KCNJ4: variants seen among roughly 807,000 people sequenced by gnomAD.
KCNJ4 encodes the protein inward rectifier potassium channel 4.
KCNJ4 carries 3 observed loss-of-function variants against 25.6 expected under a neutral mutation model. The observed-to-expected ratio is 0.12, with a 90% CI of 0.05 to 0.30. KCNJ4 has a LOEUF of 0.30. Ranked by LOEUF, KCNJ4 falls within the 10% of genes least tolerant of loss-of-function variation. The pLI is 1.00. For missense variants in KCNJ4, 286 were observed against 666.8 expected, an observed-to-expected ratio of 0.43 and a Z score of 6.29; for synonymous variants, 257 against 283.9, an observed-to-expected ratio of 0.91 and a Z score of 0.95.
In KCNJ4 at chr22:38,449,980, G is replaced by A. The variant is rs1230643004; in HGVS notation, c.-40+5000C>T. 6.6e-6 allele frequency among the ~76,000 whole-genome samples: 1 copy of A among 152,234 alleles called. No individual in the cohort carries two copies. Among genetic ancestry groups the A allele is most frequent in the Non-Finnish European group, 1.5e-5 (1 of 68,042 alleles). On this transcript the variant is annotated intron_variant, in intron 1 of 1. Transcript: ENST00000303592. The surrounding 1 kb of genome is among the most constrained non-coding windows in gnomAD (Gnocchi z 5.2). ...CGTGTGCGCGCCTGCAGGAGCGCGCGTGTGTGACTCAAGGTCTATTCATAG... is the reference window on the plus strand; with the variant it reads ...CGTGTGCGCGCCTGCAGGAGCGCGCATGTGTGACTCAAGGTCTATTCATAG...
intron 1 of KCNJ4, among the ~76,000 whole-genome samples, chr22:38,431,950 TG>T (rs1367816287): frequency 3.5e-5 from 5 of 142,970 alleles, no homozygotes; most frequent in East Asian, 4.0e-4. Context: ...TGACTAGAGA[TG>T]TTTTTTTTTT....
chr22:38,436,009 G>C (rs1207672184), intron 1 of KCNJ4, among the ~76,000 whole-genome samples: 1 of 152,180 alleles, frequency 6.6e-6, no homozygotes, highest in Non-Finnish European at 1.5e-5. Flanking sequence ...TGGGAGGCCT[G>C]ACTCCCTCCT....
At chr22:38,431,951 G>GTT (rs111418413) in intron 1 of KCNJ4, among the ~76,000 whole-genome samples, 5,934 of 145,426 alleles carry the variant, frequency 0.041, 221 homozygotes, top group East Asian at 0.13. Context: ...GACTAGAGAT[G>GTT]TTTTTTTTTT....
At chr22:38,432,280 T>TAAATAAATGAATAAATA (rs1555917613) in intron 1 of KCNJ4, among the ~76,000 whole-genome samples, 1 of 147,176 alleles carries the variant, frequency 6.8e-6, no homozygotes, top group Non-Finnish European at 1.5e-5. Context: ...AATAAATAAA[T>TAAATAAATGAATAAATA]AAATAAAATA....
intron 1 of KCNJ4, among the ~76,000 whole-genome samples, chr22:38,453,819 T>C (rs1308232786): frequency 6.6e-6 from 1 of 152,110 alleles, no homozygotes; most frequent in Admixed American, 6.5e-5. Context: ...CTCCTCCCAG[T>C]GAGAATGGAG....
At chr22:38,431,507 G>C (rs1047184924) in intron 1 of KCNJ4, among the ~76,000 whole-genome samples, 1 of 152,202 alleles carries the variant, frequency 6.6e-6, no homozygotes, top group Non-Finnish European at 1.5e-5. Flanking sequence ...ACAGCCCACA[G>C]CAGGTGTCCT....
At chr22:38,428,541 G>T (rs1380951034) in intron 1 of KCNJ4, among the ~76,000 whole-genome samples, 1 of 152,022 alleles carries the variant, frequency 6.6e-6, no homozygotes, top group Non-Finnish European at 1.5e-5. Context: ...CCTGAGCATA[G>T]GGAGCCACGG....
At position 38,426,748 on chromosome 22, in the gene KCNJ4, C is replaced by A; in HGVS notation, c.*47G>T. 6.4e-7 allele frequency: 1 copy of A among 1,556,510 alleles called. No homozygotes were observed. Among genetic ancestry groups the A allele is most frequent in the Non-Finnish European group, 8.7e-7 (1 of 1,148,944 alleles). Reference sequence around the variant, plus strand: ...GGGAGGGGGTGTCCTGGCATCCCACCCCCGGCAGAGGCTCTTGTGGGCAGT... The same window carrying A: ...GGGAGGGGGTGTCCTGGCATCCCACACCCGGCAGAGGCTCTTGTGGGCAGT... On this transcript the variant is annotated 3_prime_UTR_variant, in exon 2 of 2. Coordinates refer to ENST00000303592, the MANE Select transcript of KCNJ4 (RefSeq NM_152868.3).
intron 1 of KCNJ4, among the ~76,000 whole-genome samples, chr22:38,451,700 C>G (rs2089411371): frequency 6.6e-6 from 1 of 152,006 alleles, no homozygotes; most frequent in Admixed American, 6.6e-5. Context: ...TCCTCCACCC[C>G]CAAACCATCA....
chr22:38,452,060 C>T (rs2089413212), intron 1 of KCNJ4, among the ~76,000 whole-genome samples: 1 of 152,168 alleles, frequency 6.6e-6, no homozygotes, highest in African/African-American at 2.4e-5. Flanking sequence ...TCTGTCATCC[C>T]CATTTTACAG....
At chr22:38,448,834 C>T (rs1448392460) in intron 1 of KCNJ4, among the ~76,000 whole-genome samples, 1 of 152,152 alleles carries the variant, frequency 6.6e-6, no homozygotes, top group African/African-American at 2.4e-5. Context: ...TTGGTGGGGG[C>T]TTCTCCTCCA....
chr22:38,448,829 G>C (rs2089393575), intron 1 of KCNJ4, among the ~76,000 whole-genome samples: 1 of 152,138 alleles, frequency 6.6e-6, no homozygotes, highest in African/African-American at 2.4e-5. Flanking sequence ...CAGGCTTGGT[G>C]GGGGCTTCTC....
At chr22:38,451,293 G>A (rs1429090359) in intron 1 of KCNJ4, among the ~76,000 whole-genome samples, 2 of 152,092 alleles carry the variant, frequency 1.3e-5, no homozygotes, top group African/African-American at 2.4e-5. Context: ...AATACCTCTA[G>A]GATTGAGGAG....
In KCNJ4 at chr22:38,426,556, G is replaced by T; in HGVS notation, c.*239C>A. On this transcript the variant is annotated 3_prime_UTR_variant, in exon 2 of 2. Coordinates refer to ENST00000303592, the MANE Select transcript of KCNJ4 (RefSeq NM_152868.3). Reference sequence around the variant, plus strand: ...AGTGGGGGAAGGGTGGTGGATCCGGGGACCTAGAGCCACCAGAAGTAGGCG... The same window carrying T: ...AGTGGGGGAAGGGTGGTGGATCCGGTGACCTAGAGCCACCAGAAGTAGGCG... The T allele has an allele frequency of 2.0e-6, 1 of 511,282 alleles. No individual in the cohort carries two copies. The highest frequency in any genetic ancestry group is 3.4e-6 in the Non-Finnish European group (1 of 290,630). 31.7% of individuals were successfully genotyped at this position (511,282 alleles called of 1,614,324 possible). A position where few individuals can be genotyped will look rare whatever the true frequency, so the allele number is the denominator to read the frequency against.
chr22:38,446,007 C>T lies in KCNJ4; in HGVS notation c.-40+8973G>A, dbSNP rs375281945. 5.5e-4 allele frequency among the ~76,000 whole-genome samples: 84 copies of T among 152,342 alleles called. 2 individuals are homozygous for T. In the East Asian group the frequency reaches 9.2e-3, roughly 17 times the overall value. On this transcript the variant is annotated intron_variant, in intron 1 of 1. Transcript: ENST00000303592. ...GACCGCCACTCTGCAGCCCAAATAA[C>T]AGGGACTCTTTGGGGTCTGGTTCCA... is the stretch of plus-strand genomic sequence containing the variant.
At chr22:38,441,531 C>T (rs992082501) in intron 1 of KCNJ4, among the ~76,000 whole-genome samples, 42 of 152,242 alleles carry the variant, frequency 2.8e-4, no homozygotes, top group African/African-American at 9.4e-4. Flanking sequence ...GTTGGGGCTG[C>T]CGGCTGGTGG....
chr22:38,455,157 G>C lies in KCNJ4; in HGVS notation c.-217C>G, dbSNP rs987730730. On this transcript the variant is annotated 5_prime_UTR_variant, in exon 1 of 2. Transcript: ENST00000303592. The stretch of plus-strand genomic sequence containing the variant: ...CGGCTGCCGCTCGGTCTGCGCGTGG[G>C]TCTTGGGGTCTCCGCGCGTCCCGGC... The C allele has an allele frequency of 4.0e-5, 6 of 148,258 alleles. No individual in the cohort carries two copies. Among genetic ancestry groups the C allele is most frequent in the Non-Finnish European group, 7.5e-5 (5 of 66,662 alleles). The allele number at this position is 148,258 out of a possible 1,614,324, so 9.2% of individuals were successfully genotyped here.
chr22:38,445,506 CAG>C (rs937170119), intron 1 of KCNJ4, among the ~76,000 whole-genome samples: 13 of 152,110 alleles, frequency 8.5e-5, no homozygotes, highest in Non-Finnish European at 1.3e-4. Flanking sequence ...TTTTTAGAGA[CAG>C]AGTCTTGCTC....
In KCNJ4 at chr22:38,443,891, G is replaced by A. The variant is rs1761077006; in HGVS notation, c.-40+11089C>T. On this transcript the variant is annotated intron_variant, in intron 1 of 1. Coordinates refer to ENST00000303592, the MANE Select transcript of KCNJ4 (RefSeq NM_152868.3). The surrounding 1 kb of genome is among the most constrained non-coding windows in gnomAD (Gnocchi z 4.1). ...CTCGGGATGAACGCCCCGCCTCAGAGAGGTCCTGCCCTCTCTGACTGCACC... is the reference window on the plus strand; with the variant it reads ...CTCGGGATGAACGCCCCGCCTCAGAAAGGTCCTGCCCTCTCTGACTGCACC... 6.6e-6 allele frequency among the ~76,000 whole-genome samples: 1 copy of A among 152,052 alleles called. No homozygotes were observed. Among genetic ancestry groups the A allele is most frequent in the South Asian group, 2.1e-4 (1 of 4,816 alleles).
Sources: allele counts gnomAD v4.1 joint callset (sites outside exome capture counted in the v4.1 genomes callset), GRCh38; gene constraint gnomAD v4.1.1; non-coding constraint Gnocchi (gnomAD v3.1); transcripts MANE v1.5; gene names NCBI Gene and HGNC (gene_info 2026-07-23, HGNC 2026-07-21).